Variants in CNTNAP2 observed in about 807,000 individuals in gnomAD.
CNTNAP2 encodes the protein contactin associated protein 2, also known as contactin-associated protein-like 2.
In CNTNAP2, 98 loss-of-function variants were observed where a neutral mutation model predicts 155.2. The observed-to-expected ratio is 0.63, with a 90% confidence interval of 0.54 to 0.75. The LOEUF (loss-of-function observed/expected upper bound fraction) is 0.75. Among genes scored for constraint, CNTNAP2 ranks in the 30% least tolerant of loss-of-function variants. CNTNAP2 has a pLI of 0.00. For missense variants in CNTNAP2, 1,727 were observed against 1,688.1 expected (o/e 1.02, Z -0.40); for synonymous variants, 651 against 631.2 (o/e 1.03, Z -0.47).
intron 10 of CNTNAP2, among the ~76,000 whole-genome samples, chr7:147,429,167 T>C (rs1225127955): frequency 1.3e-5 from 2 of 151,944 alleles, no homozygotes; most frequent in African/African-American, 4.8e-5. Context: ...TATATATATA[T>C]ATATACACCA....
chr7:146,332,941 ATTTT>A (rs4016094), intron 1 of CNTNAP2, among the ~76,000 whole-genome samples: 140 of 102,460 alleles, frequency 1.4e-3, no homozygotes, highest in South Asian at 0.012. Context: ...TTCTTCTTCT[ATTTT>A]TTTTTTTTTT....
intron 1 of CNTNAP2, among the ~76,000 whole-genome samples, chr7:146,482,905 C>G (rs1796985058): frequency 6.6e-6 from 1 of 151,976 alleles, no homozygotes; most frequent in Admixed American, 6.6e-5. Flanking sequence ...TGTCCATAAA[C>G]ATTTAAATTA....
At chr7:148,319,258 A>G (rs1173229548) in intron 21 of CNTNAP2, among the ~76,000 whole-genome samples, 3 of 152,222 alleles carry the variant, frequency 2.0e-5, no homozygotes, top group Non-Finnish European at 4.4e-5. Context: ...AGACTCTTGT[A>G]TATTTTATTC....
At chr7:146,788,180 G>T (rs114342491) in intron 2 of CNTNAP2, among the ~76,000 whole-genome samples, 6,311 of 152,264 alleles carry the variant, frequency 0.041, 270 homozygotes, top group African/African-American at 0.11. Flanking sequence ...CCAAGCCGGC[G>T]CCCACCTGGA....
intron 13 of CNTNAP2, among the ~76,000 whole-genome samples, chr7:147,736,716 C>T (rs1013585359): frequency 5.3e-5 from 8 of 152,132 alleles, no homozygotes; most frequent in Admixed American, 3.3e-4. Flanking sequence ...AGGCTTTGTT[C>T]GTTTCTTTTT....
intron 21 of CNTNAP2, among the ~76,000 whole-genome samples, chr7:148,340,535 C>T (rs185541689): frequency 1.3e-5 from 2 of 152,334 alleles, no homozygotes; most frequent in South Asian, 2.1e-4. Context: ...TGGACTTGCT[C>T]CTCTCCCCGT....
chr7:147,137,959 T>C (rs1019142578), intron 8 of CNTNAP2, among the ~76,000 whole-genome samples: 1 of 151,812 alleles, frequency 6.6e-6, no homozygotes, highest in Non-Finnish European at 1.5e-5. Context: ...TATTGCTAGC[T>C]ATCAGGTAAC....
chr7:147,451,913 T>C (rs1046597543), intron 10 of CNTNAP2, among the ~76,000 whole-genome samples: 6 of 152,194 alleles, frequency 3.9e-5, no homozygotes, highest in Non-Finnish European at 7.3e-5. Context: ...GGTGACCTCT[T>C]GCCGTCTCTT....
chr7:147,187,327 T>A (rs1380085739), intron 8 of CNTNAP2, among the ~76,000 whole-genome samples: 1 of 152,094 alleles, frequency 6.6e-6, no homozygotes, highest in Non-Finnish European at 1.5e-5. Flanking sequence ...AAGAGTAGAC[T>A]CATTAATCAA....
intron 12 of CNTNAP2, among the ~76,000 whole-genome samples, chr7:147,603,513 A>G (rs899018000): frequency 2.6e-5 from 4 of 152,322 alleles, no homozygotes; most frequent in Admixed American, 2.6e-4. Context: ...CCAACTTACA[A>G]GGGAAGTGAA....
At position 146,119,741 on chromosome 7, in the gene CNTNAP2, A is replaced by G. The variant is rs1797536221; in HGVS notation, c.97+2768A>G. 2.0e-5 allele frequency among the ~76,000 whole-genome samples: 3 copies of G among 152,132 alleles called. No homozygotes were observed. The South Asian group carries it at 6.2e-4, about 31-fold the overall frequency. Reference sequence around the variant, plus strand: ...AAATAAATGATCTCTCATAAAGGCCAATTTACATCATTTAGTAGAACTATT... The same window carrying G: ...AAATAAATGATCTCTCATAAAGGCCGATTTACATCATTTAGTAGAACTATT... On this transcript the variant is annotated intron_variant, in intron 1 of 23. Transcript: ENST00000361727.
chr7:146,128,311 G>A (rs1379009883), intron 1 of CNTNAP2, among the ~76,000 whole-genome samples: 1 of 152,124 alleles, frequency 6.6e-6, no homozygotes, highest in Non-Finnish European at 1.5e-5. Flanking sequence ...CCTCTGTGCT[G>A]TAATATTCAA....
intron 6 of CNTNAP2, among the ~76,000 whole-genome samples, chr7:147,124,631 G>A (rs1801196134): frequency 6.6e-6 from 1 of 152,076 alleles, no homozygotes; most frequent in African/African-American, 2.4e-5. Context: ...GATAAATTCT[G>A]AATAGGTATG....
chr7:148,009,751 T>A (rs1392631018), intron 15 of CNTNAP2, among the ~76,000 whole-genome samples: 1 of 152,174 alleles, frequency 6.6e-6, no homozygotes, highest in Non-Finnish European at 1.5e-5. Context: ...TGTTTCTGAT[T>A]ATTCTTATTA....
intron 14 of CNTNAP2, among the ~76,000 whole-genome samples, chr7:147,948,807 C>T (rs1800867921): frequency 1.3e-5 from 2 of 151,924 alleles, no homozygotes; most frequent in South Asian, 4.2e-4. Flanking sequence ...GACTGGAAAC[C>T]TTACCCATAA....
intron 4 of CNTNAP2, among the ~76,000 whole-genome samples, chr7:147,067,819 C>A (rs549137641): frequency 6.6e-6 from 1 of 152,320 alleles, no homozygotes; most frequent in Non-Finnish European, 1.5e-5. Context: ...TTACCTAATC[C>A]TCTCGATTCG....
chr7:148,173,255 T>C (rs1037045574), intron 18 of CNTNAP2, among the ~76,000 whole-genome samples: 2 of 152,206 alleles, frequency 1.3e-5, no homozygotes, highest in African/African-American at 2.4e-5. Context: ...TAATTTCCCA[T>C]ATATAAATGA....
chr7:146,413,095 A>C (rs1400200896), intron 1 of CNTNAP2, among the ~76,000 whole-genome samples: 1 of 152,196 alleles, frequency 6.6e-6, no homozygotes, highest in East Asian at 1.9e-4. Flanking sequence ...TAAGTAATGA[A>C]AAAGCAGCAA....
At chr7:146,799,422 ATG>A (rs1264043047) in intron 2 of CNTNAP2, among the ~76,000 whole-genome samples, 1 of 152,196 alleles carries the variant, frequency 6.6e-6, no homozygotes, top group Non-Finnish European at 1.5e-5. Flanking sequence ...AGCATAGAAT[ATG>A]TGTCTAATAA....
Sources: allele counts gnomAD v4.1 joint callset (sites outside exome capture counted in the v4.1 genomes callset), GRCh38; gene constraint gnomAD v4.1.1; transcripts MANE v1.5; gene names NCBI Gene and HGNC (gene_info 2026-07-23, HGNC 2026-07-21).